The following ATP13A4 variants were observed in gnomAD, a reference collection of about 807,000 sequenced individuals.
ATP13A4 encodes probable cation-transporting ATPase 13A4.
A neutral mutation model predicts 142.5 loss-of-function variants in ATP13A4; 114 were observed. The ratio of observed to expected loss-of-function variants is 0.80; its 90% CI spans 0.69 to 0.93. The LOEUF is 0.93. Among genes scored for constraint, ATP13A4 ranks in the 40% least tolerant of loss-of-function variants. The probability of loss-of-function intolerance (pLI) is 0.00; values close to 1 mark genes in which losing one functional copy is unlikely to be tolerated. For missense variants in ATP13A4, 1,392 were observed against 1,454.0 expected, an observed-to-expected ratio of 0.96 and a Z score of 0.69; for synonymous variants, 488 against 514.8, an observed-to-expected ratio of 0.95 and a Z score of 0.70.
chr3:193,466,668 C>G (rs892244085), intron 10 of ATP13A4, among the ~76,000 whole-genome samples: 12 of 152,168 alleles, frequency 7.9e-5, no homozygotes, highest in African/African-American at 2.9e-4. Flanking sequence ...AATTGCTGGC[C>G]ATGGTATTTT....
chr3:193,444,130 A>T (rs982210816), intron 18 of ATP13A4, among the ~76,000 whole-genome samples: 2 of 152,224 alleles, frequency 1.3e-5, no homozygotes, highest in African/African-American at 4.8e-5. Flanking sequence ...TCACAACCAG[A>T]CATATAGTAA....
intron 2 of ATP13A4, among the ~76,000 whole-genome samples, chr3:193,573,283 A>ATATGTATG (rs1560287254): frequency 1.0e-5 from 1 of 95,540 alleles, no homozygotes; most frequent in African/African-American, 4.9e-5. Context: ...ATACATATAT[A>ATATGTATG]TATATACACA....
At chr3:193,572,836 T>C (rs1279353947) in intron 2 of ATP13A4, among the ~76,000 whole-genome samples, 2 of 151,938 alleles carry the variant, frequency 1.3e-5, no homozygotes, top group East Asian at 3.9e-4. Flanking sequence ...GCCTTACAAA[T>C]GTGTATAGGC....
intron 8 of ATP13A4, among the ~76,000 whole-genome samples, chr3:193,479,132 C>T (rs1719141437): frequency 6.6e-6 from 1 of 152,116 alleles, no homozygotes; most frequent in Non-Finnish European, 1.5e-5. Context: ...GTAATAAAAG[C>T]CACCTATGAC....
At chr3:193,573,558 C>T (rs1053285119) in intron 2 of ATP13A4, among the ~76,000 whole-genome samples, 1 of 151,864 alleles carries the variant, frequency 6.6e-6, no homozygotes, top group Non-Finnish European at 1.5e-5. Context: ...CCTTCCCTGC[C>T]TTCTCAGGTT....
At chr3:193,417,691 CA>C (rs1715137861) in intron 25 of ATP13A4, among the ~76,000 whole-genome samples, 1 of 136,894 alleles carries the variant, frequency 7.3e-6, no homozygotes, top group Non-Finnish European at 1.5e-5. Context: ...AGACATTAGA[CA>C]AAAAAGAAAT....
intron 2 of ATP13A4, among the ~76,000 whole-genome samples, chr3:193,511,847 A>G (rs1721156875): frequency 6.6e-6 from 1 of 152,218 alleles, no homozygotes; most frequent in Admixed American, 6.5e-5. Context: ...AAGTACTAGG[A>G]CAAGAAATCA....
intron 2 of ATP13A4, among the ~76,000 whole-genome samples, chr3:193,566,606 A>G (rs76067261): frequency 0.025 from 3,795 of 152,286 alleles, 56 homozygotes; most frequent in East Asian, 0.032. Context: ...ACACTATTGG[A>G]GCATGAGCCC....
chr3:193,416,356 T>G (rs1715062524), intron 25 of ATP13A4, among the ~76,000 whole-genome samples: 2 of 152,162 alleles, frequency 1.3e-5, no homozygotes, highest in Admixed American at 1.3e-4. Flanking sequence ...AGCACAGATA[T>G]TAGACTTATT....
intron 7 of ATP13A4, among the ~76,000 whole-genome samples, chr3:193,487,273 A>T (rs1719686705): frequency 6.6e-6 from 1 of 152,186 alleles, no homozygotes; most frequent in African/African-American, 2.4e-5. Flanking sequence ...GGACCATAAC[A>T]TTAGTAAGCA....
At chr3:193,403,650 C>T (rs1714355957) in intron 29 of ATP13A4, 1 of 658,536 alleles carries the variant, frequency 1.5e-6, no homozygotes. Flanking sequence ...TCTTTGAAAA[C>T]ATTTTGCAAT....
intron 1 of ATP13A4, among the ~76,000 whole-genome samples, chr3:193,543,414 G>C (rs1422940150): frequency 2.6e-5 from 4 of 152,090 alleles, no homozygotes; most frequent in African/African-American, 4.8e-5. Context: ...GAAACTATAA[G>C]GAACTTGAAC....
At chr3:193,535,785 A>G (rs572745854) in intron 1 of ATP13A4, among the ~76,000 whole-genome samples, 1 of 152,264 alleles carries the variant, frequency 6.6e-6, no homozygotes, top group East Asian at 1.9e-4. Context: ...ACTGAGAAAA[A>G]AAAGAGAAGA....
intron 8 of ATP13A4, among the ~76,000 whole-genome samples, chr3:193,471,631 T>C (rs1718628967): frequency 6.6e-6 from 1 of 151,408 alleles, no homozygotes; most frequent in African/African-American, 2.4e-5. Flanking sequence ...AAAACAGATC[T>C]CCAGCAAATA....
intron 26 of ATP13A4, 133 bp from the exon 27 acceptor site, chr3:193,412,504 A>C (rs997203126): frequency 1.9e-5 from 11 of 567,720 alleles, no homozygotes; most frequent in Admixed American, 1.9e-4. Context: ...TGTGCTTTGG[A>C]AAACACACAC....
At chr3:193,423,569 AGGAT>A (rs2108611123) in intron 25 of ATP13A4, among the ~76,000 whole-genome samples, 1 of 150,072 alleles carries the variant, frequency 6.7e-6, no homozygotes, top group South Asian at 2.1e-4. Context: ...TTACATCAAT[AGGAT>A]GGACAAAAAC....
upstream of ATP13A4, among the ~76,000 whole-genome samples, chr3:193,559,527 G>A: frequency 6.6e-6 from 1 of 152,178 alleles, no homozygotes; most frequent in Non-Finnish European, 1.5e-5. Flanking sequence ...ATATCCCAAA[G>A]AGGAATTACC....
rs144852858 is a variant in ATP13A4 at position 193,520,224 on chromosome 3, G to A, written c.61-5353C>T. Among the ~76,000 whole-genome samples, 80 of 152,150 alleles carry A rather than the reference G, an allele frequency of 5.3e-4. 1 individual carries two copies. Among genetic ancestry groups the A allele is most frequent in the African/African-American group, 1.9e-3 (78 of 41,496 alleles). Reference sequence around the variant, plus strand: ...TGAAGGGCAAGAGAGAAGGAGGGAAGGGAAGTTAATAAACCCGTACTCTCC... The same window carrying A: ...TGAAGGGCAAGAGAGAAGGAGGGAAAGGAAGTTAATAAACCCGTACTCTCC... On this transcript the variant is annotated intron_variant, in intron 1 of 29. Coordinates refer to ENST00000342695, the MANE Select transcript of ATP13A4 (RefSeq NM_032279.4).
chr3:193,497,642 A>G lies in ATP13A4; in HGVS notation c.382-4482T>C, dbSNP rs182688379. 7.9e-5 allele frequency among the ~76,000 whole-genome samples: 12 copies of G among 152,304 alleles called. No homozygotes were observed. In the East Asian group the frequency reaches 2.1e-3, roughly 27 times the overall value. ...CGTGTTTATTGCAGTACTATTCACA[A>G]TAACCAAGATATGGAATTAACCTAA... On this transcript the variant is annotated intron_variant, in intron 3 of 29. Coordinates refer to ENST00000342695, the MANE Select transcript of ATP13A4 (RefSeq NM_032279.4).
Sources: gnomAD v4.1 joint callset for allele counts (sites outside exome capture counted in the v4.1 genomes callset) on GRCh38, gnomAD v4.1.1 for gene constraint, MANE v1.5 for transcripts, NCBI Gene and HGNC (gene_info 2026-07-23, HGNC 2026-07-21) for gene names.